MYOM2: variants seen among roughly 807,000 people sequenced by gnomAD.
The protein encoded by MYOM2 is myomesin-2.
Under a neutral mutation model 187.6 loss-of-function variants are expected in MYOM2, and 254 were observed. The ratio of observed to expected loss-of-function variants is 1.35; its 90% CI spans 1.22 to 1.50. The LOEUF is 1.50. Ranked by LOEUF, MYOM2 falls within the 40% of genes most tolerant of loss-of-function variation. The pLI is 0.00. For synonymous variants in MYOM2, 981 were observed against 753.8 expected, an observed-to-expected ratio of 1.30 and a Z score of -4.94; for missense variants, 2,796 against 1,924.0, an observed-to-expected ratio of 1.45 and a Z score of -8.48.
intron 36 of MYOM2, among the ~76,000 whole-genome samples, chr8:2,144,061 T>G (rs997903326): frequency 2.0e-5 from 3 of 152,354 alleles, no homozygotes; most frequent in African/African-American, 7.2e-5. Context: ...TGAGAAAATT[T>G]TATTAGCCCA....
chr8:2,123,469 T>C (rs774365878), intron 29 of MYOM2, 86 bp from the exon 30 acceptor site: 103 of 1,483,536 alleles, frequency 6.9e-5, no homozygotes, highest in Non-Finnish European at 9.2e-5. Flanking sequence ...TTCGGTGGTT[T>C]GCAAAGAAAA....
intron 27 of MYOM2, 33 bp from the exon 28 acceptor site, chr8:2,117,852 T>C: frequency 6.4e-7 from 1 of 1,562,156 alleles, no homozygotes; most frequent in Non-Finnish European, 8.8e-7. Flanking sequence ...TTTTTCCTTT[T>C]TTATATGTTT....
intron 14 of MYOM2, among the ~76,000 whole-genome samples, chr8:2,086,495 C>CCCCACAGTCGTGATCTCTGCGTGGCTT (rs1796075733): frequency 7.8e-5 from 6 of 77,200 alleles, no homozygotes; most frequent in Admixed American, 2.5e-4. Flanking sequence ...CTGTGTGGCC[C>CCCCACAGTCGTGATCTCTGCGTGGCTT]CCCACTGTCG....
chr8:2,142,193 GA>G (rs1312886022), intron 34 of MYOM2, among the ~76,000 whole-genome samples, 181 bp from the exon 35 acceptor site: 1 of 152,188 alleles, frequency 6.6e-6, no homozygotes, highest in Non-Finnish European at 1.5e-5. Flanking sequence ...GAACCATCAG[GA>G]AAAATCAGTG....
At chr8:2,077,800 G>T (rs1819485417) in intron 11 of MYOM2, among the ~76,000 whole-genome samples, 2 of 152,240 alleles carry the variant, frequency 1.3e-5, no homozygotes, top group Non-Finnish European at 2.9e-5. Context: ...GGTGCATTTG[G>T]AAGTGGGGGG....
intron 1 of MYOM2, among the ~76,000 whole-genome samples, chr8:2,045,825 C>G (rs1818294043): frequency 6.6e-6 from 1 of 152,224 alleles, no homozygotes; most frequent in Non-Finnish European, 1.5e-5. Context: ...GAAATGCAAC[C>G]TGCTGGAGAA....
At chr8:2,114,148 C>G (rs1216278300) in intron 25 of MYOM2, among the ~76,000 whole-genome samples, 3 of 152,216 alleles carry the variant, frequency 2.0e-5, no homozygotes, top group Non-Finnish European at 2.9e-5. Context: ...CAAGGATGGG[C>G]AGAAGCTGCA....
At chr8:2,109,613 C>A in intron 25 of MYOM2, 82 bp downstream of exon 25, 3 of 1,425,042 alleles carry the variant, frequency 2.1e-6, no homozygotes, top group African/African-American at 2.9e-5. Context: ...TATCAACATT[C>A]TCTGTCTGTT....
At chr8:2,060,809 C>A (rs750784019) in intron 6 of MYOM2, among the ~76,000 whole-genome samples, 3 of 147,644 alleles carry the variant, frequency 2.0e-5, no homozygotes, top group Non-Finnish European at 3.0e-5. Context: ...TCCTGACACT[C>A]GTTAAGGACA....
chr8:2,129,250 C>G lies in MYOM2; in HGVS notation c.3800+18C>G, dbSNP rs762247177. On this transcript the variant is annotated intron_variant, in intron 32 of 36. Transcript: ENST00000262113. ...TGTCACAAGTAAGTATGACAGCAGC[C>G]GATGGAGGCCATGCCATAGATGGGG... 1 of 1,552,378 alleles carries G rather than the reference C, an allele frequency of 6.4e-7. No individual in the cohort carries two copies. The highest frequency in any genetic ancestry group is 1.7e-5 in the Admixed American group (1 of 59,782).
chr8:2,113,038 A>G (rs190167288), intron 25 of MYOM2, among the ~76,000 whole-genome samples: 4 of 152,216 alleles, frequency 2.6e-5, no homozygotes, highest in Admixed American at 6.5e-5. Context: ...CTTTGCCCCA[A>G]TTCCAGCTGA....
intron 14 of MYOM2, 137 bp downstream of exon 14, chr8:2,085,527 T>TGATCTCTGTGTGGCCCACCACTGTC: frequency 7.9e-6 from 2 of 254,008 alleles, no homozygotes; most frequent in Non-Finnish European, 6.0e-6. Flanking sequence ...CCCCCACTGT[T>TGATCTCTGTGTGGCCCACCACTGTC]GTGATCTCTG....
chr8:2,133,510 G>A (rs560643609), intron 32 of MYOM2, among the ~76,000 whole-genome samples: 1 of 152,314 alleles, frequency 6.6e-6, no homozygotes, highest in Admixed American at 6.5e-5. Flanking sequence ...ACCCAGGCTG[G>A]AGTGCAGTGG....
At position 2,123,631 on chromosome 8, in the gene MYOM2, T is replaced by C. The variant is rs1797535197; in HGVS notation, c.3644T>C (p.Ile1215Thr). The C allele has an allele frequency of 3.1e-6, 5 of 1,613,986 alleles. No individual in the cohort carries two copies. The highest frequency in any genetic ancestry group is 4.2e-6 in the Non-Finnish European group (5 of 1,179,958). The change falls in exon 30 of 37, where the codon ATA becomes ACA. Residue 1215 changes from isoleucine (I) to threonine (T), a missense_variant. By Grantham distance (89) the Ile-to-Thr change is moderately conservative. Coordinates refer to ENST00000262113, the MANE Select transcript of MYOM2 (RefSeq NM_003970.4). ...GGCCAAGATGTGTCCATCCTTGAAATAGCTGGCAAAGGTAAAAGAAAACCT... is the reference window on the plus strand; with the variant it reads ...GGCCAAGATGTGTCCATCCTTGAAACAGCTGGCAAAGGTAAAAGAAAACCT... ...DRGQDVSILE[I>T]AGKVYDDMIL...
Position 2,108,363 on chromosome 8 carries a change from T to C in MYOM2, c.2999-423T>C, listed in dbSNP as rs1796961482. Among the ~76,000 whole-genome samples, 5 of 152,226 alleles carry C rather than the reference T, an allele frequency of 3.3e-5. No homozygotes were observed. In the South Asian group the frequency reaches 1.0e-3, roughly 32 times the overall value. On this transcript the variant is annotated intron_variant, in intron 23 of 36. Coordinates refer to ENST00000262113, the MANE Select transcript of MYOM2 (RefSeq NM_003970.4). ...GTGTGTATATCTTTCTTTAATGAGA[T>C]TGAAGAAGGACATCTTGAGAGGGGA...
Position 2,052,310 on chromosome 8 carries a change from G to T in MYOM2, c.260G>T (p.Ser87Ile), listed in dbSNP as rs35022521. 34,228 of 1,600,464 alleles carry T rather than the reference G, an allele frequency of 0.021. 1,766 individuals are homozygous for T. The highest frequency in any genetic ancestry group is 0.15 in the Admixed American group (8,935 of 58,420). ...TQEDEEQENR[S>I]RYQSLVAAYG... ...GAAGATGAGGAGCAGGAGAACAGAAGCAGGTGAGCACATGGCTTCCCTGAC... is the reference window on the plus strand; with the variant it reads ...GAAGATGAGGAGCAGGAGAACAGAATCAGGTGAGCACATGGCTTCCCTGAC... Residue 87 changes from serine to isoleucine, a missense_variant, in exon 3 of 37, where the codon AGC becomes ATC. Transcript: ENST00000262113.
intron 1 of MYOM2, among the ~76,000 whole-genome samples, chr8:2,049,084 C>T (rs1012391585): frequency 2.6e-5 from 4 of 152,180 alleles, no homozygotes; most frequent in Non-Finnish European, 5.9e-5. Context: ...AGCTACTGCG[C>T]CCGGCTGCTT....
Position 2,144,723 on chromosome 8 carries a change from G to C in MYOM2, c.4140G>C (p.Lys1380Asn). The stretch of plus-strand genomic sequence containing the variant: ...CTGACCCCGAAGTGATTTGGTTCAA[G>C]AACGACCAGGACATCCAGCTCAGCG... ...GNPDPEVIWF[K>N]NDQDIQLSEH... The change falls in exon 37 of 37, where the codon AAG becomes AAC. Residue 1380 changes from lysine (K) to asparagine (N), a missense_variant. Transcript: ENST00000262113. The C allele has an allele frequency of 6.2e-7, 1 of 1,614,014 alleles. No individual in the cohort carries two copies. The highest frequency in any genetic ancestry group is 8.5e-7 in the Non-Finnish European group (1 of 1,180,046).
intron 28 of MYOM2, among the ~76,000 whole-genome samples, chr8:2,119,839 G>C (rs558835079): frequency 6.6e-6 from 1 of 152,232 alleles, no homozygotes; most frequent in Admixed American, 6.5e-5. Flanking sequence ...GCAAGGGGCT[G>C]CTTGGCCCCC....
Sources: gnomAD v4.1 joint callset for allele counts (sites outside exome capture counted in the v4.1 genomes callset) on GRCh38, gnomAD v4.1.1 for gene constraint, MANE v1.5 for transcripts, NCBI Gene and HGNC (gene_info 2026-07-23, HGNC 2026-07-21) for gene names.